SVEP1: variants seen among roughly 807,000 people sequenced by gnomAD.
SVEP1 encodes the protein sushi, von Willebrand factor type A, EGF and pentraxin domain containing 1.
A neutral mutation model predicts 367.3 loss-of-function variants in SVEP1; 164 were observed. The ratio of observed to expected loss-of-function variants is 0.45; its 90% CI spans 0.39 to 0.51. The LOEUF is 0.51. Among genes scored for constraint, SVEP1 ranks in the 20% least tolerant of loss-of-function variants. The pLI is 0.00. For synonymous variants in SVEP1, 1,666 were observed against 1,611.6 expected (o/e 1.03, Z -0.81); for missense variants, 4,117 against 4,425.3 (o/e 0.93, Z 1.98).
rs572358880 is a variant in SVEP1, at chr9:110,402,658, C to T, written c.9667-1649G>A. Among the ~76,000 whole-genome samples the T allele has an allele frequency of 2.0e-5, 3 of 152,084 alleles. No individual in the cohort carries two copies. The South Asian group carries it at 6.2e-4, about 32-fold the overall frequency. On this transcript the variant is annotated intron_variant, in intron 39 of 47. Transcript: ENST00000374469. ...AGTTCTCCAGGGCTTACAAGGGGAC[C>T]CAGTTGTCTACACACCCAACCTGGA... is the stretch of plus-strand genomic sequence containing the variant.
intron 40 of SVEP1, among the ~76,000 whole-genome samples, chr9:110,398,646 G>GA (rs1293369814): frequency 2.0e-5 from 3 of 151,918 alleles, no homozygotes; most frequent in African/African-American, 4.8e-5. Flanking sequence ...AAATTTATAA[G>GA]AAAAAAACAA....
chr9:110,413,872 A>G (rs1202047086), intron 36 of SVEP1, among the ~76,000 whole-genome samples: 1 of 152,036 alleles, frequency 6.6e-6, no homozygotes, highest in Non-Finnish European at 1.5e-5. Flanking sequence ...ATGAAGGGTA[A>G]GGGAAATAAA....
intron 28 of SVEP1, 74 bp from the exon 29 acceptor site, chr9:110,435,438 C>A: frequency 1.3e-6 from 2 of 1,529,554 alleles, no homozygotes; most frequent in South Asian, 1.3e-5. Flanking sequence ...TTAATTTAGT[C>A]CTATTGAAAA....
intron 40 of SVEP1, among the ~76,000 whole-genome samples, chr9:110,398,923 G>A (rs1827813038): frequency 6.6e-6 from 1 of 152,198 alleles, no homozygotes; most frequent in East Asian, 1.9e-4. Context: ...CAACCACTGT[G>A]GAAGTCAGTG....
chr9:110,544,609 T>C (rs143532965), intron 3 of SVEP1, among the ~76,000 whole-genome samples: 1,461 of 134,148 alleles, frequency 0.011, 21 homozygotes, highest in African/African-American at 0.034. Context: ...CAAATGTCAA[T>C]GAAATAAATC....
chr9:110,450,181 C>T lies in SVEP1; in HGVS notation c.3981G>A (p.Gly1327=), dbSNP rs771306657. 62 of 1,613,770 alleles carry T rather than the reference C, an allele frequency of 3.8e-5. No homozygotes were observed. The East Asian group carries it at 8.2e-4, about 21-fold the overall frequency. ...LNNAVCEDQV[G]GFLCKCPPGF... Reference sequence around the variant, plus strand: ...CAGGTGGGCATTTGCACAAGAATCCCCCAACCTGGTCTTCACAGACTGCAT... The same window carrying T: ...CAGGTGGGCATTTGCACAAGAATCCTCCAACCTGGTCTTCACAGACTGCAT... The change falls in exon 24 of 48, where the codon GGG becomes GGA. Residue 1327 remains glycine, a synonymous_variant. Transcript: ENST00000374469.
chr9:110,403,566 G>A (rs1035000019), intron 39 of SVEP1, among the ~76,000 whole-genome samples: 2 of 151,814 alleles, frequency 1.3e-5, no homozygotes, highest in Non-Finnish European at 2.9e-5. Flanking sequence ...GCCTCCCAAA[G>A]TGCTGGGATT....
rs905992051 is a variant in SVEP1, at chr9:110,469,050, C to G, written c.3050G>C (p.Ser1017Thr). The G allele has an allele frequency of 3.1e-6, 5 of 1,613,718 alleles. No homozygotes were observed. In the Admixed American group the frequency reaches 8.3e-5, roughly 27 times the overall value. Residue 1017 changes from serine to threonine, a missense_variant, in exon 17 of 48, where the codon AGC becomes ACC. Around this residue, in one of 4 missense-constraint regions of SVEP1, gnomAD observed 2,174 missense variants for 2,494.3 expected, o/e 0.87. Transcript: ENST00000374469. ...YYNLEHFTCE[S>T]CRIGSYQDEE... is the part of the protein sequence containing the mutation. ...ATCTTGATAGGATCCGATCCGGCAG[C>G]TTTCACAGGTGAAATGTTCCAGATT...
chr9:110,401,301 T>A (rs1363101386), intron 39 of SVEP1, among the ~76,000 whole-genome samples: 1 of 152,050 alleles, frequency 6.6e-6, no homozygotes, highest in African/African-American at 2.4e-5. Context: ...AAGAAATATA[T>A]TTTCATTATA....
chr9:110,481,787 A>G (rs1243342556), intron 11 of SVEP1, among the ~76,000 whole-genome samples: 1 of 152,056 alleles, frequency 6.6e-6, no homozygotes, highest in African/African-American at 2.4e-5. Flanking sequence ...ATCTCGACTC[A>G]CTGCAGCCTC....
chr9:110,455,289 G>T (rs961056465), intron 22 of SVEP1, among the ~76,000 whole-genome samples: 1 of 152,138 alleles, frequency 6.6e-6, no homozygotes, highest in Non-Finnish European at 1.5e-5. Context: ...GAAGAAACAG[G>T]TTCAGTGAAG....
Position 110,389,548 on chromosome 9 carries a change from T to C in SVEP1, c.9862A>G (p.Ser3288Gly). The C allele has an allele frequency of 6.2e-7, 1 of 1,613,752 alleles. No individual in the cohort carries two copies. The highest frequency in any genetic ancestry group is 8.5e-7 in the Non-Finnish European group (1 of 1,179,808). The change falls in exon 41 of 48, where the codon AGT (serine) becomes GGT (glycine). Residue 3288 changes from serine to glycine, a missense_variant. Physicochemically the swap from Ser to Gly is moderately conservative, Grantham distance 56. Coordinates refer to ENST00000374469, the MANE Select transcript of SVEP1 (RefSeq NM_153366.4). ...CCTTTGCATATTGCCACCCCTCCAC[T>C]CCACTGTCTGTTCTCCTGGCAGACA... ...ERVCQENRQW[S>G]GGVAICKETR...
chr9:110,520,504 T>C (rs1352168267), intron 3 of SVEP1, among the ~76,000 whole-genome samples: 4 of 152,202 alleles, frequency 2.6e-5, no homozygotes, highest in Non-Finnish European at 5.9e-5. Context: ...TCAGCTACTA[T>C]TACTGGAAGT....
intron 3 of SVEP1, among the ~76,000 whole-genome samples, chr9:110,537,474 A>G (rs1278142951): frequency 6.6e-6 from 1 of 151,984 alleles, no homozygotes; most frequent in East Asian, 1.9e-4. Context: ...TTGGTCACAG[A>G]ACATTTAAAA....
chr9:110,469,518 T>A (rs1193069966), intron 16 of SVEP1, among the ~76,000 whole-genome samples: 1 of 152,220 alleles, frequency 6.6e-6, no homozygotes, highest in African/African-American at 2.4e-5. Flanking sequence ...CTCTGAATGC[T>A]TCCCCATTGA....
At chr9:110,457,524 G>C (rs1404290420) in intron 20 of SVEP1, among the ~76,000 whole-genome samples, 172 bp from the exon 21 acceptor site, 1 of 152,114 alleles carries the variant, frequency 6.6e-6, no homozygotes, top group Admixed American at 6.5e-5. Context: ...TGCCATATAG[G>C]GGAGCAAATG....
At chr9:110,576,351 G>A (rs34374605) in intron 1 of SVEP1, among the ~76,000 whole-genome samples, 6,166 of 152,126 alleles carry the variant, frequency 0.041, 173 homozygotes, top group South Asian at 0.14. Flanking sequence ...GAAATATATG[G>A]TGGGAATACA....
chr9:110,403,823 C>A (rs925559838), intron 39 of SVEP1, among the ~76,000 whole-genome samples: 2 of 151,238 alleles, frequency 1.3e-5, no homozygotes, highest in Non-Finnish European at 2.9e-5. Context: ...TCATTTCTCA[C>A]CAACAATACA....
At position 110,553,033 on chromosome 9, in the gene SVEP1, C is replaced by T. The variant is rs753237195; in HGVS notation, c.532-2929G>A. 1.2e-4 allele frequency among the ~76,000 whole-genome samples: 19 copies of T among 152,070 alleles called. No individual in the cohort carries two copies. In the South Asian group the frequency reaches 1.5e-3, roughly 12 times the overall value. ...ATCCATGGGAAGAGATCCTGGAAGC[C>T]GCAGGAGATAGCTGCATTAAAGGTT... On this transcript the variant is annotated intron_variant, in intron 1 of 47. Coordinates refer to ENST00000374469, the MANE Select transcript of SVEP1 (RefSeq NM_153366.4).
Sources: gnomAD v4.1 joint callset for allele counts (sites outside exome capture counted in the v4.1 genomes callset) on GRCh38, gnomAD v4.1.1 for gene constraint, gnomAD v4.1.1 regional missense constraint, MANE v1.5 for transcripts, NCBI Gene and HGNC (gene_info 2026-07-23, HGNC 2026-07-21) for gene names.